TPRA1: variants seen among roughly 807,000 people sequenced by gnomAD.
TPRA1 encodes the protein transmembrane protein adipocyte-associated 1.
In TPRA1, 28 loss-of-function variants were observed where a neutral mutation model predicts 40.1. The observed-to-expected ratio is 0.70, with a 90% CI of 0.52 to 0.96. The LOEUF is 0.96. TPRA1 is among the 40% of genes least tolerant of loss of function. TPRA1 has a pLI of 0.00. For synonymous variants in TPRA1, 219 were observed against 209.7 expected (o/e 1.04, Z -0.38); for missense variants, 441 against 482.6 (o/e 0.91, Z 0.81).
chr3:127,576,190 C>T lies in TPRA1; in HGVS notation c.499-140G>A. The T allele has an allele frequency of 1.5e-6, 1 of 679,750 alleles. No individual in the cohort carries two copies. The highest frequency in any genetic ancestry group is 2.5e-5 in the Admixed American group (1 of 39,272). 42.1% of individuals were successfully genotyped at this position (679,750 alleles called of 1,614,324 possible). A position where few individuals can be genotyped will look rare whatever the true frequency, so the allele number is the denominator to read the frequency against. On this transcript the variant is annotated intron_variant, in intron 6 of 10. Coordinates refer to ENST00000355552, the MANE Select transcript of TPRA1 (RefSeq NM_001136053.4). This position sits in a 1 kb window ranked among gnomAD's most constrained non-coding sequence, Gnocchi z 4.6. ...TGGCCTGACCCTCAACTCACCTGCCCCAGTCTGCTCCCTGGCCATGTCCTG... is the reference window on the plus strand; with the variant it reads ...TGGCCTGACCCTCAACTCACCTGCCTCAGTCTGCTCCCTGGCCATGTCCTG...
At chr3:127,591,267 C>A (rs1391144956), upstream of TPRA1, among the ~76,000 whole-genome samples, 2 of 152,182 alleles carry the variant, frequency 1.3e-5, no homozygotes. Flanking sequence ...GCGCCCTGCT[C>A]CACGCGGCGC....
intron 1 of TPRA1, among the ~76,000 whole-genome samples, chr3:127,588,393 G>A (rs2074065145): frequency 6.6e-6 from 1 of 151,384 alleles, no homozygotes; most frequent in Non-Finnish European, 1.5e-5. Flanking sequence ...ACGTATCAAA[G>A]CTTAGGAAAT....
chr3:127,596,224 C>T (rs899017347), intron 1 of TPRA1, among the ~76,000 whole-genome samples: 18 of 152,246 alleles, frequency 1.2e-4, no homozygotes, highest in Admixed American at 9.8e-4. Flanking sequence ...GGATTACAGG[C>T]ATGCGCCACT....
chr3:127,587,145 G>A (rs1265188700), intron 1 of TPRA1: 1 of 152,144 alleles, frequency 6.6e-6, no homozygotes, highest in Non-Finnish European at 1.5e-5. Flanking sequence ...ATTATTATTA[G>A]AATAAATTAT....
upstream of TPRA1, among the ~76,000 whole-genome samples, chr3:127,593,222 A>G (rs1559856370): frequency 6.6e-6 from 1 of 152,184 alleles, no homozygotes; most frequent in Non-Finnish European, 1.5e-5. Context: ...CATTAAATGA[A>G]TAGTAGCTTA....
In TPRA1 at chr3:127,579,882, G is replaced by A. The variant is rs759063228; in HGVS notation, c.126-10C>T. 1.9e-6 allele frequency: 3 copies of A among 1,613,148 alleles called. No individual in the cohort carries two copies. Among genetic ancestry groups the A allele is most frequent in the East Asian group, 4.5e-5 (2 of 44,872 alleles). ...GTCCCAGTACCGGACCCTGGCGGAT[G>A]GGCACAGGAGCTGGCTCACTGGCGA... On this transcript the variant is annotated splice_polypyrimidine_tract_variant and intron_variant, in intron 2 of 10. Transcript: ENST00000355552.
At position 127,575,925 on chromosome 3, in the gene TPRA1, C is replaced by A; in HGVS notation, c.609+15G>T. ...AAGGCCCCAGCCACCCCAGCTGCCC[C>A]AGCCTGAACCTCACCAGGAAGAAGA... On this transcript the variant is annotated intron_variant, in intron 7 of 10. Transcript: ENST00000355552. 6.2e-7 allele frequency: 1 copy of A among 1,613,682 alleles called. No homozygotes were observed. Among genetic ancestry groups the A allele is most frequent in the Non-Finnish European group, 8.5e-7 (1 of 1,179,734 alleles).
chr3:127,583,773 C>A (rs567509371), intron 1 of TPRA1, among the ~76,000 whole-genome samples: 1 of 151,816 alleles, frequency 6.6e-6, no homozygotes, highest in South Asian at 2.1e-4. Flanking sequence ...CAGGTTCAAG[C>A]GATTCCCCTG....
rs1019441938 is a variant in TPRA1, at chr3:127,573,378, G to C, written c.*143C>G. Reference sequence around the variant, plus strand: ...GGGGATTGGGAGCCCCAGGGAGGTGGGGCCTCCAGACTCATGGTGGGAACA... The same window carrying C: ...GGGGATTGGGAGCCCCAGGGAGGTGCGGCCTCCAGACTCATGGTGGGAACA... On this transcript the variant is annotated 3_prime_UTR_variant, in exon 11 of 11. Coordinates refer to ENST00000355552, the MANE Select transcript of TPRA1 (RefSeq NM_001136053.4). The C allele has an allele frequency of 1.8e-6, 2 of 1,113,340 alleles. No homozygotes were observed. Among genetic ancestry groups the C allele is most frequent in the Non-Finnish European group, 2.5e-6 (2 of 809,616 alleles). The allele number at this position is 1,113,340 out of a possible 1,614,324, so 69.0% of individuals were successfully genotyped here.
In TPRA1 at chr3:127,579,838, T is replaced by C. The variant is rs1208398719; in HGVS notation, c.160A>G (p.Asn54Asp). The C allele has an allele frequency of 6.2e-7, 1 of 1,613,608 alleles. No individual in the cohort carries two copies. Among genetic ancestry groups the C allele is most frequent in the Non-Finnish European group, 8.5e-7 (1 of 1,179,970 alleles). The change falls in exon 3 of 11, where the codon AAT becomes GAT. Residue 54 changes from asparagine (N) to aspartate (D), a missense_variant. Coordinates refer to ENST00000355552, the MANE Select transcript of TPRA1 (RefSeq NM_001136053.4). ...AGCAGGAAGATGAGGAAGAGCACAT[T>C]GGGGATGAGCAGCAAGAGGTCCCAG... ...RYWDLLLLIPNVLFLIFLLWK... is the reference protein window; with the variant it reads ...RYWDLLLLIPDVLFLIFLLWK...
At chr3:127,592,385 T>G (rs796807044), upstream of TPRA1, among the ~76,000 whole-genome samples, 928 of 142,236 alleles carry the variant, frequency 6.5e-3, 12 homozygotes, top group African/African-American at 0.019. Flanking sequence ...TTTTTTTTTT[T>G]TTTTTTTTTT....
upstream of TPRA1, among the ~76,000 whole-genome samples, chr3:127,592,103 A>G (rs1576403611): frequency 6.6e-6 from 1 of 152,182 alleles, no homozygotes; most frequent in Non-Finnish European, 1.5e-5. Flanking sequence ...ACGAATGACC[A>G]CAGCCACAAT....
chr3:127,588,967 T>C (rs2074083538), intron 1 of TPRA1, among the ~76,000 whole-genome samples: 1 of 152,110 alleles, frequency 6.6e-6, no homozygotes, highest in Non-Finnish European at 1.5e-5. Context: ...CAGCTCACGA[T>C]AGGGGCCTAA....
At position 127,576,506 on chromosome 3, in the gene TPRA1, G is replaced by C; in HGVS notation, c.498+111C>G. 9.2e-7 allele frequency: 1 copy of C among 1,091,038 alleles called. No homozygotes were observed. Among genetic ancestry groups the C allele is most frequent in the Non-Finnish European group, 1.3e-6 (1 of 776,156 alleles). The allele number at this position is 1,091,038 out of a possible 1,614,324, so 67.6% of individuals were successfully genotyped here. On this transcript the variant is annotated intron_variant, in intron 6 of 10. Transcript: ENST00000355552. The surrounding 1 kb of genome is among the most constrained non-coding windows in gnomAD (Gnocchi z 4.6). ...CCCCATGTGATTTCTCAGGTGCAAA[G>C]TTTTGAGAACTCTGAAGGTGATAAA...
intron 3 of TPRA1, among the ~76,000 whole-genome samples, chr3:127,579,211 G>T (rs1490306860): frequency 6.6e-6 from 1 of 152,228 alleles, no homozygotes; most frequent in African/African-American, 2.4e-5. Flanking sequence ...CTCCAAAGAG[G>T]TTTCACAGAA....
At chr3:127,577,156 C>T in intron 3 of TPRA1, 80 bp from the exon 4 acceptor site, 2 of 1,417,376 alleles carry the variant, frequency 1.4e-6, no homozygotes, top group Non-Finnish European at 2.0e-6. Flanking sequence ...ACCCCCATAT[C>T]TACAGGAGCC....
chr3:127,575,777 G>A lies in TPRA1; in HGVS notation c.642C>T (p.Thr214=), dbSNP rs188063642. The change falls in exon 8 of 11, where the codon ACC becomes ACT. Residue 214 remains threonine, a synonymous_variant. Coordinates refer to ENST00000355552, the MANE Select transcript of TPRA1 (RefSeq NM_001136053.4). ...GCAGGGAGATGCGCTCCTTCAGCGG[G>A]GTCTTGGGAAGGATGACCACCAGAG... is the stretch of plus-strand genomic sequence containing the variant. The part of the protein sequence containing the change: ...VYSLVVILPK[T]PLKERISLPS... 5.0e-6 allele frequency: 8 copies of A among 1,613,812 alleles called. No individual in the cohort carries two copies. Among genetic ancestry groups the A allele is most frequent in the Non-Finnish European group, 4.2e-6 (5 of 1,179,994 alleles).
rs933019269 is a variant in TPRA1 at position 127,585,715 on chromosome 3, C to A, written c.-18+4695G>T. On this transcript the variant is annotated intron_variant, in intron 1 of 10. Coordinates refer to ENST00000355552, the MANE Select transcript of TPRA1 (RefSeq NM_001136053.4). ...GGATGTTTTGCAACTGAGGCCAACA[C>A]TGACCACCAGACACTGTCCCCTTCT... Among the ~76,000 whole-genome samples the A allele has an allele frequency of 2.6e-5, 4 of 152,228 alleles. No individual in the cohort carries two copies. The South Asian group carries it at 6.2e-4, about 24-fold the overall frequency.
At chr3:127,577,761 T>C (rs2073691893) in intron 3 of TPRA1, among the ~76,000 whole-genome samples, 1 of 152,186 alleles carries the variant, frequency 6.6e-6, no homozygotes. Flanking sequence ...CAGGTGAGGC[T>C]GAGTCCACCG....
Sources: allele counts gnomAD v4.1 joint callset (sites outside exome capture counted in the v4.1 genomes callset), GRCh38; gene constraint gnomAD v4.1.1; non-coding constraint Gnocchi (gnomAD v3.1); transcripts MANE v1.5; gene names NCBI Gene and HGNC (gene_info 2026-07-23, HGNC 2026-07-21).